The following ERBB4 variants were observed in gnomAD, a reference collection of about 807,000 sequenced individuals.
ERBB4 encodes the protein erb-b2 receptor tyrosine kinase 4, also known as receptor tyrosine-protein kinase erbB-4.
In ERBB4, 42 loss-of-function variants were observed where a neutral mutation model predicts 158.0. The observed-to-expected ratio is 0.27, with a 90% CI of 0.21 to 0.34. ERBB4 has a LOEUF of 0.34. ERBB4 is among the 10% of genes least tolerant of loss of function. The pLI, the probability that ERBB4 is intolerant of heterozygous loss-of-function variation, is 1.00. For synonymous variants in ERBB4, 583 were observed against 558.7 expected (o/e 1.04, Z -0.61); for missense variants, 1,333 against 1,624.1 (o/e 0.82, Z 3.08).
intron 1 of ERBB4, among the ~76,000 whole-genome samples, chr2:212,379,113 C>A (rs2106406574): frequency 6.6e-6 from 1 of 151,742 alleles, no homozygotes. Flanking sequence ...CAATTAAAAC[C>A]TTCAAACATT....
chr2:212,491,394 T>G (rs950669556), intron 1 of ERBB4, among the ~76,000 whole-genome samples: 12 of 151,642 alleles, frequency 7.9e-5, no homozygotes, highest in Non-Finnish European at 1.3e-4. Context: ...CCCCACCATT[T>G]TGAAGGCAAT....
intron 20 of ERBB4, among the ~76,000 whole-genome samples, chr2:211,545,835 A>G (rs983940916): frequency 2.6e-5 from 4 of 151,938 alleles, no homozygotes; most frequent in Admixed American, 1.3e-4. Flanking sequence ...GGATCTTGAA[A>G]CCTGAAATGT....
At chr2:212,197,835 C>A (rs1046423217) in intron 1 of ERBB4, among the ~76,000 whole-genome samples, 2 of 152,148 alleles carry the variant, frequency 1.3e-5, no homozygotes, top group African/African-American at 4.8e-5. Context: ...CCTCTAAATT[C>A]TAACTTGCAA....
chr2:212,394,888 TG>T (rs2090978843), intron 1 of ERBB4, among the ~76,000 whole-genome samples: 1 of 152,158 alleles, frequency 6.6e-6, no homozygotes, highest in Non-Finnish European at 1.5e-5. Flanking sequence ...ATTTTGACTT[TG>T]GGATACACTG....
chr2:211,831,240 A>G (rs964657695), intron 3 of ERBB4, among the ~76,000 whole-genome samples: 1 of 152,172 alleles, frequency 6.6e-6, no homozygotes, highest in African/African-American at 2.4e-5. Flanking sequence ...TTAAGTGGCT[A>G]CTGGGACAAC....
At chr2:211,983,082 G>A (rs1020944325) in intron 2 of ERBB4, among the ~76,000 whole-genome samples, 2 of 152,302 alleles carry the variant, frequency 1.3e-5, no homozygotes, top group Middle Eastern at 3.4e-3. Context: ...GGAGCAAGGG[G>A]AAGTAATTGA....
intron 16 of ERBB4, among the ~76,000 whole-genome samples, chr2:211,637,817 G>A (rs1327484520): frequency 6.6e-6 from 1 of 151,812 alleles, no homozygotes; most frequent in African/African-American, 2.4e-5. Flanking sequence ...TTATGTATTG[G>A]AGTCTCAAGT....
rs963480896 is a variant in ERBB4 at position 212,329,240 on chromosome 2, GA to G, written c.83-204338del. 3.6e-4 allele frequency among the ~76,000 whole-genome samples: 53 copies of G among 147,466 alleles called. No homozygotes were observed. The East Asian group carries it at 9.3e-3, about 26-fold the overall frequency. Reference sequence around the variant, plus strand: ...CAAAGTATTAAAAAGAAGAGAGGAAGAAAAAAAAAACTAGGCCTCTTGCCTG... The same window carrying G: ...CAAAGTATTAAAAAGAAGAGAGGAAGAAAAAAAAACTAGGCCTCTTGCCTG... On this transcript the variant is annotated intron_variant, in intron 1 of 27. Transcript: ENST00000342788.
At chr2:212,427,480 T>A (rs2091938846) in intron 1 of ERBB4, among the ~76,000 whole-genome samples, 1 of 152,138 alleles carries the variant, frequency 6.6e-6, no homozygotes, top group Non-Finnish European at 1.5e-5. Context: ...TCCCTGTGAT[T>A]TGCACATTGG....
intron 1 of ERBB4, among the ~76,000 whole-genome samples, chr2:212,368,028 C>T (rs2106376686): frequency 6.6e-6 from 1 of 152,206 alleles, no homozygotes; most frequent in Non-Finnish European, 1.5e-5. Flanking sequence ...CGTGGGGATT[C>T]CTTAAAGAAC....
At chr2:211,639,184 T>C (rs770793415) in intron 16 of ERBB4, among the ~76,000 whole-genome samples, 4 of 152,206 alleles carry the variant, frequency 2.6e-5, no homozygotes, top group Non-Finnish European at 5.9e-5. Context: ...TATTATTGTT[T>C]ATATACTGTT....
intron 2 of ERBB4, among the ~76,000 whole-genome samples, chr2:211,965,251 T>G (rs1000919498): frequency 6.6e-6 from 1 of 152,218 alleles, no homozygotes; most frequent in Admixed American, 6.6e-5. Context: ...ATTCTCAGTA[T>G]GTTACTGAAA....
chr2:211,806,410 T>C (rs1223334374), intron 3 of ERBB4, among the ~76,000 whole-genome samples: 1 of 152,080 alleles, frequency 6.6e-6, no homozygotes, highest in Non-Finnish European at 1.5e-5. Flanking sequence ...AAATTATGAG[T>C]ATAGAAGGAG....
intron 2 of ERBB4, among the ~76,000 whole-genome samples, chr2:212,011,171 T>A (rs1559311416): frequency 1.3e-5 from 2 of 152,132 alleles, no homozygotes; most frequent in Non-Finnish European, 2.9e-5. Flanking sequence ...GATTAAGAGA[T>A]TAAAGTAAAG....
intron 1 of ERBB4, among the ~76,000 whole-genome samples, chr2:212,287,150 G>A (rs1363244931): frequency 6.6e-6 from 1 of 151,954 alleles, no homozygotes; most frequent in Non-Finnish European, 1.5e-5. Context: ...CTGCCTCTTT[G>A]CAGACAGCCC....
chr2:212,247,012 T>C (rs2084334044), intron 1 of ERBB4, among the ~76,000 whole-genome samples: 1 of 152,180 alleles, frequency 6.6e-6, no homozygotes, highest in Admixed American at 6.6e-5. Flanking sequence ...ATGTGAGTCA[T>C]TCAAAAATCA....
chr2:211,940,276 G>A (rs1020082373), intron 3 of ERBB4, among the ~76,000 whole-genome samples: 1 of 152,104 alleles, frequency 6.6e-6, no homozygotes, highest in Admixed American at 6.5e-5. Flanking sequence ...TGGAGCCATT[G>A]TTGTATTAAA....
intron 1 of ERBB4, among the ~76,000 whole-genome samples, chr2:212,343,463 T>A (rs921090452): frequency 1.3e-5 from 2 of 152,186 alleles, no homozygotes; most frequent in Non-Finnish European, 2.9e-5. Flanking sequence ...GTCAAAAGGA[T>A]GCTATAAATC....
intron 1 of ERBB4, among the ~76,000 whole-genome samples, chr2:212,324,038 A>C (rs1160804956): frequency 1.3e-5 from 2 of 150,418 alleles, no homozygotes; most frequent in Non-Finnish European, 3.0e-5. Flanking sequence ...GAATATCGTA[A>C]GTCAACATGT....
Sources: gnomAD v4.1 joint callset for allele counts (sites outside exome capture counted in the v4.1 genomes callset) on GRCh38, gnomAD v4.1.1 for gene constraint, MANE v1.5 for transcripts, NCBI Gene and HGNC (gene_info 2026-07-23, HGNC 2026-07-21) for gene names.